The following INTS10 variants were observed in gnomAD, a reference collection of about 807,000 sequenced individuals.
INTS10 encodes the protein integrator complex subunit 10.
INTS10 carries 44 observed loss-of-function variants against 94.4 expected under a neutral mutation model. The observed-to-expected ratio is 0.47, with a 90% confidence interval of 0.37 to 0.60. The LOEUF (loss-of-function observed/expected upper bound fraction) is 0.60, where lower values mean the gene tolerates loss of function less well. INTS10 is among the 20% of genes least tolerant of loss of function. The pLI is 0.00. For synonymous variants in INTS10, 341 were observed against 320.7 expected (o/e 1.06, Z -0.68); for missense variants, 797 against 868.7 (o/e 0.92, Z 1.04).
chr8:19,851,842 G>A lies in INTS10; in HGVS notation c.*37G>A, dbSNP rs2069061567. The stretch of plus-strand genomic sequence containing the variant: ...TCCACCAGACACAGCTCGGGCCTGT[G>A]TAATTGTAGGAGAAGACACTCAGCA... On this transcript the variant is annotated 3_prime_UTR_variant, in exon 17 of 17. Coordinates refer to ENST00000397977, the MANE Select transcript of INTS10 (RefSeq NM_018142.4). The surrounding 1 kb of genome is among the most constrained non-coding windows in gnomAD (Gnocchi z 5.0). 1 of 1,591,842 alleles carries A rather than the reference G, an allele frequency of 6.3e-7. No homozygotes were observed. Among genetic ancestry groups the A allele is most frequent in the East Asian group, 2.2e-5 (1 of 44,682 alleles).
intron 4 of INTS10, chr8:19,821,382 C>T (rs1305905275): frequency 6.6e-6 from 1 of 152,274 alleles, no homozygotes; most frequent in Admixed American, 6.5e-5. Flanking sequence ...AGCTTCATCA[C>T]TCCTCCAATT....
rs1455262070 is a variant in INTS10, at chr8:19,851,753, T to A, written c.2081T>A (p.Leu694Gln). The A allele has an allele frequency of 6.2e-7, 1 of 1,614,156 alleles. No homozygotes were observed. The highest frequency in any genetic ancestry group is 8.5e-7 in the Non-Finnish European group (1 of 1,179,984). ...SRCGENLMVV[L>Q]HRFCINEKIL... is the part of the protein sequence containing the mutation. ...TGTGGAGAGAATCTGATGGTGGTTC[T>A]GCACAGGTTCTGCATTAATGAGAAG... is the stretch of plus-strand genomic sequence containing the variant. The change falls in exon 17 of 17, where the codon CTG (leucine) becomes CAG (glutamine). Residue 694 changes from leucine (L) to glutamine (Q), a missense_variant. Physicochemically the swap from Leu to Gln is moderately radical, Grantham distance 113. Coordinates refer to ENST00000397977, the MANE Select transcript of INTS10 (RefSeq NM_018142.4). The surrounding 1 kb of genome is among the most constrained non-coding windows in gnomAD (Gnocchi z 5.0).
intron 9 of INTS10, among the ~76,000 whole-genome samples, 192 bp downstream of exon 9, chr8:19,826,751 G>A (rs2066828729): frequency 6.6e-6 from 1 of 152,142 alleles, no homozygotes; most frequent in Non-Finnish European, 1.5e-5. Context: ...GGCAATGTCT[G>A]GAGACATTTT....
At chr8:19,818,442 C>A in intron 2 of INTS10, 100 bp downstream of exon 2, 2 of 1,212,660 alleles carry the variant, frequency 1.6e-6, no homozygotes, top group Non-Finnish European at 1.2e-6. Context: ...TCTTCAAGTT[C>A]ATCTATATCT....
chr8:19,833,411 C>T lies in INTS10; in HGVS notation c.1530+90C>T, dbSNP rs549532488. 4.1e-5 allele frequency: 36 copies of T among 869,950 alleles called. No individual in the cohort carries two copies. In the South Asian group the frequency reaches 5.0e-4, roughly 12 times the overall value. The allele number at this position is 869,950 out of a possible 1,614,324, so 53.9% of individuals were successfully genotyped here. On this transcript the variant is annotated intron_variant, in intron 12 of 16. Coordinates refer to ENST00000397977, the MANE Select transcript of INTS10 (RefSeq NM_018142.4). ...CTAGCGTGGCTTTTCATTCAGTGCA[C>T]GTTTATTTCAATTTGATCTTTCTGC... is the stretch of plus-strand genomic sequence containing the variant.
At position 19,826,571 on chromosome 8, in the gene INTS10, A is replaced by C; in HGVS notation, c.1140+12A>C. On this transcript the variant is annotated intron_variant, in intron 9 of 16. Coordinates refer to ENST00000397977, the MANE Select transcript of INTS10 (RefSeq NM_018142.4). ...GAGAAAAAACCATGGTAAGGCTTTC[A>C]AATATACTTATTAACAGATTGGATG... 6.2e-7 allele frequency: 1 copy of C among 1,607,338 alleles called. No individual in the cohort carries two copies. The highest frequency in any genetic ancestry group is 1.3e-5 in the African/African-American group (1 of 74,426).
chr8:19,830,918 C>T (rs137877161), intron 10 of INTS10, among the ~76,000 whole-genome samples: 2 of 152,314 alleles, frequency 1.3e-5, no homozygotes, highest in African/African-American at 4.8e-5. Context: ...GTGATCCGCC[C>T]ACCTTGGCCT....
rs1374825627 is a variant in INTS10, at chr8:19,849,623, CAT to C, written c.1977-2023_1977-2022del. On this transcript the variant is annotated intron_variant, in intron 16 of 16. Transcript: ENST00000397977. The surrounding 1 kb of genome is among the most constrained non-coding windows in gnomAD (Gnocchi z 4.6). Reference sequence around the variant, plus strand: ...AAGTACATTTTTATTTGTGGATACTCATATGAGTGACCAGTCATTATGGTCAT... The same window carrying C: ...AAGTACATTTTTATTTGTGGATACTCATGAGTGACCAGTCATTATGGTCAT... Among the ~76,000 whole-genome samples, 1 of 152,146 alleles carries C rather than the reference CAT, an allele frequency of 6.6e-6. No homozygotes were observed. The highest frequency in any genetic ancestry group is 1.5e-5 in the Non-Finnish European group (1 of 68,026).
rs975326621 is a variant in INTS10 at position 19,843,060 on chromosome 8, C to T, written c.1719+133C>T. On this transcript the variant is annotated intron_variant, in intron 14 of 16. Transcript: ENST00000397977. This position sits in a 1 kb window ranked among gnomAD's most constrained non-coding sequence, Gnocchi z 4.7. ...GGGCAGGCCCAAACAGTTAGAAAAG[C>T]ACATGGGCTACTAATTAACAAATCT... The T allele has an allele frequency of 1.4e-4, 91 of 639,582 alleles. No homozygotes were observed. In the African/African-American group the frequency reaches 1.6e-3, roughly 11 times the overall value. The allele number at this position is 639,582 out of a possible 1,614,324, so 39.6% of individuals were successfully genotyped here.
chr8:19,822,392 A>G, intron 4 of INTS10, 47 bp from the exon 5 acceptor site: 1 of 1,161,690 alleles, frequency 8.6e-7, no homozygotes. Flanking sequence ...TAGTTCTGAC[A>G]ACTTATGCTG....
At chr8:19,819,485 A>G (rs2128750841) in intron 2 of INTS10, 88 bp from the exon 3 acceptor site, 1 of 966,978 alleles carries the variant, frequency 1.0e-6, no homozygotes, top group Non-Finnish European at 1.5e-6. Context: ...GGAATAAAGG[A>G]AACTTTTTCA....
chr8:19,822,720 G>T (rs2066477560), intron 5 of INTS10, among the ~76,000 whole-genome samples, 200 bp downstream of exon 5: 1 of 152,084 alleles, frequency 6.6e-6, no homozygotes, highest in Non-Finnish European at 1.5e-5. Context: ...AGGAGGCCAA[G>T]GTGGGTGGAT....
At position 19,848,433 on chromosome 8, in the gene INTS10, C is replaced by A. The variant is rs548944885; in HGVS notation, c.1976+2636C>A. Among the ~76,000 whole-genome samples the A allele has an allele frequency of 7.2e-5, 11 of 152,286 alleles. No homozygotes were observed. In the South Asian group the frequency reaches 2.3e-3, roughly 32 times the overall value. ...AGTATTTTAAAATAGAGAAATGTTTCTGTGCTGATAAATGCAGTATCTTAG... is the reference window on the plus strand; with the variant it reads ...AGTATTTTAAAATAGAGAAATGTTTATGTGCTGATAAATGCAGTATCTTAG... On this transcript the variant is annotated intron_variant, in intron 16 of 16. Transcript: ENST00000397977.
chr8:19,837,812 G>A (rs1030309036), intron 13 of INTS10, among the ~76,000 whole-genome samples: 1 of 151,824 alleles, frequency 6.6e-6, no homozygotes, highest in Non-Finnish European at 1.5e-5. Flanking sequence ...AATAAAACTG[G>A]AAGTTTTTTT....
rs765751085 is a variant in INTS10 at position 19,846,744 on chromosome 8, A to C, written c.1976+947A>C. 6.6e-6 allele frequency among the ~76,000 whole-genome samples: 1 copy of C among 152,168 alleles called. No homozygotes were observed. Among genetic ancestry groups the C allele is most frequent in the Non-Finnish European group, 1.5e-5 (1 of 68,034 alleles). ...AAATTAGTGACCATTTATGATTTTT[A>C]AATAGCTCATAAATCTTGCTTCTCT... is the stretch of plus-strand genomic sequence containing the variant. On this transcript the variant is annotated intron_variant, in intron 16 of 16. Coordinates refer to ENST00000397977, the MANE Select transcript of INTS10 (RefSeq NM_018142.4). The surrounding 1 kb of genome is among the most constrained non-coding windows in gnomAD (Gnocchi z 4.2).
intron 1 of INTS10, 82 bp downstream of exon 1, chr8:19,817,748 G>T (rs938077352): frequency 1.7e-5 from 25 of 1,507,352 alleles, no homozygotes; most frequent in Non-Finnish European, 2.1e-5. Flanking sequence ...CCAGAGCTGC[G>T]CCTGCCTGGG....
At chr8:19,834,565 A>T (rs1438037716) in intron 12 of INTS10, among the ~76,000 whole-genome samples, 1 of 152,214 alleles carries the variant, frequency 6.6e-6, no homozygotes, top group Non-Finnish European at 1.5e-5. Flanking sequence ...GGGAATATAA[A>T]CTACTGAACA....
Position 19,817,447 on chromosome 8 carries a change from G to GGCGGCGGCGGCGGTGGCTGCC in INTS10, c.-89_-69dup. The GGCGGCGGCGGCGGTGGCTGCC allele has an allele frequency of 6.6e-7, 1 of 1,508,378 alleles. No homozygotes were observed. The highest frequency in any genetic ancestry group is 8.9e-7 in the Non-Finnish European group (1 of 1,128,076). 93.4% of individuals were successfully genotyped at this position (1,508,378 alleles called of 1,614,324 possible). A position where few individuals can be genotyped will look rare whatever the true frequency, so the allele number is the denominator to read the frequency against. Reference sequence around the variant, plus strand: ...GCGCAGTAGCCTCCCCCGCGGTGGCGGCGGCGGCGGCGGTGGCTGCCGTGG... The same window carrying GGCGGCGGCGGCGGTGGCTGCC: ...GCGCAGTAGCCTCCCCCGCGGTGGCGGCGGCGGCGGCGGTGGCTGCCGCGGCGGCGGCGGTGGCTGCCGTGG... On this transcript the variant is annotated 5_prime_UTR_variant, in exon 1 of 17. Coordinates refer to ENST00000397977, the MANE Select transcript of INTS10 (RefSeq NM_018142.4).
chr8:19,820,395 T>G lies in INTS10; in HGVS notation c.318T>G (p.Leu106=). Residue 106 remains leucine, a synonymous_variant, in exon 4 of 17, where the codon CTT becomes CTG. Transcript: ENST00000397977. ...TQFLRSLFET[L]PGRVQCEMLL... ...TTCGTACAGGTTTATTTGAAACTCT[T>G]CCTGGTCGGGTCCAGTGTGAAATGT... 6.2e-7 allele frequency: 1 copy of G among 1,610,960 alleles called. No individual in the cohort carries two copies. The highest frequency in any genetic ancestry group is 1.7e-5 in the Admixed American group (1 of 59,716).
Sources: gnomAD v4.1 joint callset for allele counts (sites outside exome capture counted in the v4.1 genomes callset) on GRCh38, gnomAD v4.1.1 for gene constraint, Gnocchi (gnomAD v3.1) non-coding constraint, MANE v1.5 for transcripts, NCBI Gene and HGNC (gene_info 2026-07-23, HGNC 2026-07-21) for gene names.